PCDHGA2: variants seen among roughly 807,000 people sequenced by gnomAD.
PCDHGA2 encodes protocadherin gamma subfamily A, 2, also known as protocadherin gamma-A2.
A neutral mutation model predicts 59.2 loss-of-function variants in PCDHGA2; 40 were observed. The observed-to-expected ratio is 0.68, with a 90% CI of 0.52 to 0.88. The LOEUF (loss-of-function observed/expected upper bound fraction) is 0.88. Among genes scored for constraint, PCDHGA2 ranks in the 40% least tolerant of loss-of-function variants. The pLI, the probability that PCDHGA2 is intolerant of heterozygous loss-of-function variation, is 0.00. For synonymous variants in PCDHGA2, 560 were observed against 526.0 expected, an observed-to-expected ratio of 1.06 and a Z score of -0.89; for missense variants, 1,226 against 1,204.0, an observed-to-expected ratio of 1.02 and a Z score of -0.27.
intron 1 of PCDHGA2, chr5:141,364,619 G>T (rs764798507): frequency 6.2e-6 from 10 of 1,614,152 alleles, no homozygotes; most frequent in Non-Finnish European, 8.5e-6. Context: ...GGAGCTCTGC[G>T]CTCAGAGCCC....
chr5:141,407,616 C>T (rs752226894), intron 1 of PCDHGA2, among the ~76,000 whole-genome samples: 3 of 151,970 alleles, frequency 2.0e-5, no homozygotes, highest in Non-Finnish European at 4.4e-5. Flanking sequence ...CATTGGTTGA[C>T]ATTCTATATC....
chr5:141,423,647 C>T (rs775169904), intron 1 of PCDHGA2: 3 of 1,589,144 alleles, frequency 1.9e-6, no homozygotes, highest in Non-Finnish European at 2.6e-6. Flanking sequence ...AAATGTGACC[C>T]GACAAGTAAT....
chr5:141,369,637 T>C (rs976124194), intron 1 of PCDHGA2, among the ~76,000 whole-genome samples: 1 of 152,212 alleles, frequency 6.6e-6, no homozygotes, highest in Admixed American at 6.5e-5. Context: ...CTTTAACTTC[T>C]TTTGGGGGGA....
chr5:141,467,084 A>T, intron 1 of PCDHGA2, among the ~76,000 whole-genome samples: 1 of 142,674 alleles, frequency 7.0e-6, no homozygotes, highest in African/African-American at 2.6e-5. Context: ...ACCAAGTCTC[A>T]CTCTGTCACA....
rs1231863269 is a variant in PCDHGA2 at position 141,485,594 on chromosome 5, G to A, written c.2425-9213G>A. 1.9e-6 allele frequency: 3 copies of A among 1,612,578 alleles called. No individual in the cohort carries two copies. The highest frequency in any genetic ancestry group is 2.5e-6 in the Non-Finnish European group (3 of 1,178,798). On this transcript the variant is annotated intron_variant, in intron 1 of 3. Transcript: ENST00000394576. The surrounding 1 kb of genome is among the most constrained non-coding windows in gnomAD (Gnocchi z 5.7). ...TTTTCCGCGGCAGCAGCTGGACTTGGAAATTGGGGAGGCAGCTCCTCCAGG... is the reference window on the plus strand; with the variant it reads ...TTTTCCGCGGCAGCAGCTGGACTTGAAAATTGGGGAGGCAGCTCCTCCAGG...
At chr5:141,366,695 G>A (rs1764747221) in intron 1 of PCDHGA2, 2 of 1,614,238 alleles carry the variant, frequency 1.2e-6, no homozygotes, top group Non-Finnish European at 8.5e-7. Context: ...TGAGAAAAGC[G>A]AGCCTCTTCT....
intron 3 of PCDHGA2, among the ~76,000 whole-genome samples, chr5:141,509,338 C>T (rs2099876319): frequency 6.6e-6 from 1 of 152,188 alleles, no homozygotes; most frequent in Admixed American, 6.5e-5. Flanking sequence ...CCAGCTGGGC[C>T]TGGGCTGGCC....
chr5:141,356,952 C>T (rs370594218), intron 1 of PCDHGA2: 31 of 1,614,236 alleles, frequency 1.9e-5, no homozygotes, highest in African/African-American at 1.7e-4. Flanking sequence ...CCGCAGATTC[C>T]GGCTACCTGG....
Position 141,432,267 on chromosome 5 carries a change from C to T in PCDHGA2, c.2425-62540C>T, listed in dbSNP as rs746089276. 4.3e-6 allele frequency: 7 copies of T among 1,614,244 alleles called. No homozygotes were observed. On this transcript the variant is annotated intron_variant, in intron 1 of 3. Transcript: ENST00000394576. The surrounding 1 kb of genome is among the most constrained non-coding windows in gnomAD (Gnocchi z 6.0). ...ACCATCCAAGGGGCAAGCCTATCGT[C>T]CTACGTGTCCATCAACTCCGACACT...
In PCDHGA2 at chr5:141,477,101, G is replaced by A. The variant is rs770640663; in HGVS notation, c.2425-17706G>A. On this transcript the variant is annotated intron_variant, in intron 1 of 3. Transcript: ENST00000394576. The surrounding 1 kb of genome is among the most constrained non-coding windows in gnomAD (Gnocchi z 4.9). ...TTACATCCAGGCCAAAGACAAGGGC[G>A]CCAATCCCGAAGGAGCACATTGCAA... 2 of 1,614,262 alleles carry A rather than the reference G, an allele frequency of 1.2e-6. No individual in the cohort carries two copies. Among genetic ancestry groups the A allele is most frequent in the East Asian group, 2.2e-5 (1 of 44,884 alleles).
chr5:141,422,976 G>A lies in PCDHGA2; in HGVS notation c.2425-71831G>A, dbSNP rs558006468. On this transcript the variant is annotated intron_variant, in intron 1 of 3. Transcript: ENST00000394576. The stretch of plus-strand genomic sequence containing the variant: ...GCGTGGAGCTGGCGCCCCGCTCTGC[G>A]GAACCTGGCTACCTGGTGACCAAGG... 27 of 1,614,212 alleles carry A rather than the reference G, an allele frequency of 1.7e-5. No homozygotes were observed. In the East Asian group the frequency reaches 4.7e-4, roughly 28 times the overall value.
intron 1 of PCDHGA2, among the ~76,000 whole-genome samples, chr5:141,450,750 G>C (rs778218781): frequency 1.1e-4 from 16 of 152,002 alleles, no homozygotes; most frequent in Admixed American, 2.0e-4. Context: ...GCCTCCCAAA[G>C]TGCCGGGATT....
At chr5:141,417,656 G>A (rs1561768422) in intron 1 of PCDHGA2, 1 of 854,026 alleles carries the variant, frequency 1.2e-6, no homozygotes, top group Non-Finnish European at 1.7e-6. Context: ...CCTCTAGCCT[G>A]GGATTCCCTG....
At chr5:141,498,980 GGAAGGAA>G in intron 2 of PCDHGA2, among the ~76,000 whole-genome samples, 1 of 44,970 alleles carries the variant, frequency 2.2e-5, no homozygotes, top group South Asian at 1.0e-3. Context: ...AGGGAAGGAA[GGAAGGAA>G]GGAAGGAAGG....
chr5:141,423,564 G>A (rs2096754933), intron 1 of PCDHGA2: 2 of 1,613,444 alleles, frequency 1.2e-6, no homozygotes, highest in Non-Finnish European at 1.7e-6. Context: ...ATGGGGACAC[G>A]CTCATCAGCC....
At chr5:141,396,724 A>G (rs957039654) in intron 1 of PCDHGA2, 1 of 152,212 alleles carries the variant, frequency 6.6e-6, no homozygotes, top group African/African-American at 2.4e-5. Flanking sequence ...TAATACCTGA[A>G]TTGATTGTTG....
At position 141,431,211 on chromosome 5, in the gene PCDHGA2, G is replaced by C. The variant is rs1054638121; in HGVS notation, c.2425-63596G>C. Reference sequence around the variant, plus strand: ...AGTGAAAATGCAGCCACTGAGATGCGGTTCCCTCTACCCCACGCCTGGGAT... The same window carrying C: ...AGTGAAAATGCAGCCACTGAGATGCCGTTCCCTCTACCCCACGCCTGGGAT... On this transcript the variant is annotated intron_variant, in intron 1 of 3. Coordinates refer to ENST00000394576, the MANE Select transcript of PCDHGA2 (RefSeq NM_018915.4). This position sits in a 1 kb window ranked among gnomAD's most constrained non-coding sequence, Gnocchi z 4.8. 1.2e-6 allele frequency: 2 copies of C among 1,614,122 alleles called. No individual in the cohort carries two copies. Among genetic ancestry groups the C allele is most frequent in the Non-Finnish European group, 1.7e-6 (2 of 1,180,036 alleles).
At chr5:141,412,060 C>G (rs1191231135) in intron 1 of PCDHGA2, 2 of 152,154 alleles carry the variant, frequency 1.3e-5, no homozygotes, top group African/African-American at 2.4e-5. Context: ...ATACCCTTTG[C>G]ATTTGAGGGA....
chr5:141,388,469 A>G, intron 1 of PCDHGA2: 11 of 1,613,858 alleles, frequency 6.8e-6, no homozygotes, highest in Non-Finnish European at 8.5e-6. Context: ...CTGAGATGGT[A>G]TTGAAGACAC....
Sources: allele counts gnomAD v4.1 joint callset (sites outside exome capture counted in the v4.1 genomes callset), GRCh38; gene constraint gnomAD v4.1.1; non-coding constraint Gnocchi (gnomAD v3.1); transcripts MANE v1.5; gene names NCBI Gene and HGNC (gene_info 2026-07-23, HGNC 2026-07-21).